Variants in DAB2IP observed in about 807,000 individuals in gnomAD.
DAB2IP encodes the protein disabled homolog 2-interacting protein.
In DAB2IP, 28 loss-of-function variants were observed where a neutral mutation model predicts 107.2. The observed-to-expected ratio is 0.26, with a 90% confidence interval of 0.19 to 0.36. The LOEUF (loss-of-function observed/expected upper bound fraction) is 0.36. Ranked by LOEUF, DAB2IP falls within the 10% of genes least tolerant of loss-of-function variation. DAB2IP has a pLI of 1.00. For missense variants in DAB2IP, 1,400 were observed against 1,644.7 expected (o/e 0.85, Z 2.57); for synonymous variants, 755 against 706.4 (o/e 1.07, Z -1.09).
intron 14 of DAB2IP, among the ~76,000 whole-genome samples, chr9:121,778,278 C>G (rs1835346757): frequency 6.6e-6 from 1 of 152,108 alleles, no homozygotes; most frequent in Non-Finnish European, 1.5e-5. Flanking sequence ...TCTCAAAACC[C>G]CTACCTATTA....
chr9:121,594,198 C>T (rs1589384564), intron 1 of DAB2IP, among the ~76,000 whole-genome samples: 1 of 151,296 alleles, frequency 6.6e-6, no homozygotes, highest in African/African-American at 2.4e-5. Flanking sequence ...CTAGGTCACA[C>T]AGCTGGCAAG....
At chr9:121,707,463 G>A (rs969966629) in intron 3 of DAB2IP, among the ~76,000 whole-genome samples, 1 of 152,162 alleles carries the variant, frequency 6.6e-6, no homozygotes, top group African/African-American at 2.4e-5. Context: ...CAGCCCCCAC[G>A]GGGGACCAGA....
At chr9:121,728,323 C>A (rs1831346225) in intron 3 of DAB2IP, among the ~76,000 whole-genome samples, 2 of 152,118 alleles carry the variant, frequency 1.3e-5, no homozygotes, top group Admixed American at 6.5e-5. Context: ...GTGGGCTCAT[C>A]AGTTAGAGAG....
At chr9:121,615,560 G>T (rs1286961386) in intron 1 of DAB2IP, among the ~76,000 whole-genome samples, 1 of 152,052 alleles carries the variant, frequency 6.6e-6, no homozygotes, top group African/African-American at 2.4e-5. Context: ...TTTATAATGA[G>T]TGTCCAAGGC....
intron 13 of DAB2IP, 74 bp downstream of exon 13, chr9:121,774,486 C>T (rs957706979): frequency 6.8e-7 from 1 of 1,465,388 alleles, no homozygotes; most frequent in Non-Finnish European, 9.0e-7. Context: ...GTCTCTCCCC[C>T]AGGTCCCCCA....
intron 6 of DAB2IP, among the ~76,000 whole-genome samples, chr9:121,761,209 C>G (rs1255271513): frequency 2.6e-5 from 4 of 152,242 alleles, no homozygotes; most frequent in Non-Finnish European, 4.4e-5. Flanking sequence ...AGAGCATGGT[C>G]TGTGGGCCTC....
At chr9:121,767,006 A>G (rs554674009) in intron 9 of DAB2IP, among the ~76,000 whole-genome samples, 22 of 152,268 alleles carry the variant, frequency 1.4e-4, no homozygotes, top group African/African-American at 5.1e-4. Context: ...GAATTAATGT[A>G]TTATTATAAG....
chr9:121,722,631 A>C (rs1831005109), intron 3 of DAB2IP, among the ~76,000 whole-genome samples: 1 of 152,120 alleles, frequency 6.6e-6, no homozygotes, highest in Non-Finnish European at 1.5e-5. Context: ...AGCCACACAG[A>C]CAGCCAGTGG....
At chr9:121,779,158 CCTG>C (rs1427220216) in intron 14 of DAB2IP, among the ~76,000 whole-genome samples, 4 of 152,206 alleles carry the variant, frequency 2.6e-5, no homozygotes, top group South Asian at 4.2e-4. Context: ...CTGTGTGTAA[CCTG>C]CTATTAATCT....
Position 121,772,945 on chromosome 9 carries a change from C to T in DAB2IP, c.2417C>T (p.Thr806Ile). ...GCCACGGTGCGGCGGGCAGGCCAGA[C>T]ACCAACCACACCAGGCACCTCCGAG... The change falls in exon 12 of 16, where the codon ACA (threonine) becomes ATA (isoleucine). Residue 806 changes from threonine (T) to isoleucine (I), a missense_variant. Around this residue, in one of 3 missense-constraint regions of DAB2IP, gnomAD observed 600 missense variants for 659.1 expected, o/e 0.91. Transcript: ENST00000408936. This position sits in a 1 kb window ranked among gnomAD's most constrained non-coding sequence, Gnocchi z 4.7. The T allele has an allele frequency of 1.3e-6, 2 of 1,570,266 alleles. No individual in the cohort carries two copies. The highest frequency in any genetic ancestry group is 8.6e-7 in the Non-Finnish European group (1 of 1,161,306).
chr9:121,685,844 G>A (rs1828851178), intron 2 of DAB2IP, among the ~76,000 whole-genome samples: 1 of 152,256 alleles, frequency 6.6e-6, no homozygotes. Context: ...CAAAGGCCAG[G>A]ACATGGGAAA....
chr9:121,731,089 C>T (rs1831509693), intron 3 of DAB2IP, among the ~76,000 whole-genome samples: 1 of 152,246 alleles, frequency 6.6e-6, no homozygotes, highest in African/African-American at 2.4e-5. Flanking sequence ...AGGCCCTGCC[C>T]TGGACACTTT....
chr9:121,616,110 G>A (rs1323086887), intron 1 of DAB2IP, among the ~76,000 whole-genome samples: 1 of 152,090 alleles, frequency 6.6e-6, no homozygotes, highest in African/African-American at 2.4e-5. Flanking sequence ...CCTGGGCCTG[G>A]GACCCCAAAA....
At chr9:121,619,117 G>A (rs1831372877) in intron 1 of DAB2IP, among the ~76,000 whole-genome samples, 1 of 152,062 alleles carries the variant, frequency 6.6e-6, no homozygotes, top group African/African-American at 2.4e-5. Flanking sequence ...GCACTCTGAT[G>A]GCTCCAGGGA....
At chr9:121,613,309 C>T (rs954044372) in intron 1 of DAB2IP, among the ~76,000 whole-genome samples, 3 of 152,226 alleles carry the variant, frequency 2.0e-5, no homozygotes, top group African/African-American at 7.2e-5. Flanking sequence ...GCCCTTGCCT[C>T]TTGCCTTCCC....
At position 121,599,764 on chromosome 9, in the gene DAB2IP, G is replaced by C. The variant is rs1402340689; in HGVS notation, c.40+32536G>C. 6.6e-6 allele frequency among the ~76,000 whole-genome samples: 1 copy of C among 152,060 alleles called. No individual in the cohort carries two copies. Among genetic ancestry groups the C allele is most frequent in the Non-Finnish European group, 1.5e-5 (1 of 67,976 alleles). ...CGCCCAGCGGCCCGGCCCGCGCGTAGAGGTAAAAGCTGGGGGCCGCGGCTC... is the reference window on the plus strand; with the variant it reads ...CGCCCAGCGGCCCGGCCCGCGCGTACAGGTAAAAGCTGGGGGCCGCGGCTC... On this transcript the variant is annotated intron_variant, in intron 1 of 16. Transcript: ENST00000259371. This position sits in a 1 kb window ranked among gnomAD's most constrained non-coding sequence, Gnocchi z 6.9.
At chr9:121,703,273 A>G (rs1458140473) in intron 3 of DAB2IP, among the ~76,000 whole-genome samples, 1 of 152,108 alleles carries the variant, frequency 6.6e-6, no homozygotes, top group Non-Finnish European at 1.5e-5. Flanking sequence ...GGGAAATGGA[A>G]GTTAGGGTCT....
intron 1 of DAB2IP, among the ~76,000 whole-genome samples, chr9:121,675,636 C>T (rs1833872255): frequency 6.6e-6 from 1 of 152,198 alleles, no homozygotes; most frequent in Non-Finnish European, 1.5e-5. Context: ...GCTGAAGGAG[C>T]CATGGACTCG....
intron 2 of DAB2IP, among the ~76,000 whole-genome samples, chr9:121,679,536 C>T (rs1011061380): frequency 4.6e-5 from 7 of 151,980 alleles, no homozygotes; most frequent in Non-Finnish European, 7.4e-5. Flanking sequence ...GCACCAGAAA[C>T]GCAGCGATGA....
Sources: allele counts gnomAD v4.1 joint callset (sites outside exome capture counted in the v4.1 genomes callset), GRCh38; gene constraint gnomAD v4.1.1; regional missense constraint gnomAD v4.1.1; non-coding constraint Gnocchi (gnomAD v3.1); transcripts MANE v1.5; gene names NCBI Gene and HGNC (gene_info 2026-07-23, HGNC 2026-07-21).